Variants in OR10J1 observed in about 807,000 individuals in gnomAD.
The protein encoded by OR10J1 is olfactory receptor 10J1.
For synonymous variants in OR10J1, 202 were observed against 143.8 expected, an observed-to-expected ratio of 1.40 and a Z score of -2.89; for missense variants, 474 against 376.6, an observed-to-expected ratio of 1.26 and a Z score of -2.14.
At chr1:159,405,876 C>T in the OR10J1 span, 1 of 667,730 alleles carries the variant, frequency 1.5e-6, no homozygotes, top group Non-Finnish European at 2.7e-6. Flanking sequence ...CACAAAAGGG[C>T]AGGCCAAACA....
chr1:159,405,317 C>T, the OR10J1 span: 1 of 152,228 alleles, frequency 6.6e-6, no homozygotes, highest in African/African-American at 2.4e-5. Context: ...CCTGTGATGA[C>T]ATTCCAGGAG....
At chr1:159,402,414 C>T in the OR10J1 span, among the ~76,000 whole-genome samples, 1 of 152,008 alleles carries the variant, frequency 6.6e-6, no homozygotes, top group Admixed American at 6.6e-5. Context: ...AGTAAACTTG[C>T]AGGATAAAAA....
chr1:159,430,085 A>T, the OR10J1 span, among the ~76,000 whole-genome samples: 3 of 152,018 alleles, frequency 2.0e-5, no homozygotes, highest in Non-Finnish European at 4.4e-5. Flanking sequence ...CATGACCCTC[A>T]TCTCTCTCTT....
At chr1:159,411,999 G>A in the OR10J1 span, among the ~76,000 whole-genome samples, 1 of 151,966 alleles carries the variant, frequency 6.6e-6, no homozygotes, top group African/African-American at 2.4e-5. Context: ...ACTCAGGATA[G>A]AAAATCAATG....
rs1263872354 is a variant in OR10J1, at chr1:159,440,352, C to T, written c.561C>T (p.Ser187=). 1 of 1,614,182 alleles carries T rather than the reference C, an allele frequency of 6.2e-7. No homozygotes were observed. The highest frequency in any genetic ancestry group is 1.1e-5 in the South Asian group (1 of 91,082). Residue 187 remains serine (S), a synonymous_variant, in exon 1 of 1, where the codon TCC becomes TCT. Transcript: ENST00000423932. The part of the protein sequence containing the change: ...FCDIRPVMKL[S]CIDTTVNEIL... ...ACATCCGCCCTGTGATGAAGCTCTC[C>T]TGCATTGACACCACTGTCAATGAAA...
Position 159,440,556 on chromosome 1 carries a change from C to T in OR10J1, c.765C>T (p.Ser255=). 6.2e-7 allele frequency: 1 copy of T among 1,614,048 alleles called. No individual in the cohort carries two copies. Among genetic ancestry groups the T allele is most frequent in the Non-Finnish European group, 8.5e-7 (1 of 1,179,986 alleles). The change falls in exon 1 of 1, where the codon TCC becomes TCT. Residue 255 remains serine (S), a synonymous_variant. Transcript: ENST00000423932. ...TVVIVHYSCA[S]IAYLKPKSEN... ...TCATTGTCCACTACAGCTGTGCCTC[C>T]ATTGCCTACCTCAAGCCCAAGTCAG...
At chr1:159,414,181 G>C in the OR10J1 span, among the ~76,000 whole-genome samples, 1 of 152,164 alleles carries the variant, frequency 6.6e-6, no homozygotes, top group East Asian at 1.9e-4. Context: ...TGTGGACCAT[G>C]AGAATTTATA....
rs1370706929 is a variant in OR10J1 at position 159,440,001 on chromosome 1, GACTGTATAT to G, written c.213_221del (p.Val72_Thr74del). On this transcript the variant is annotated inframe_deletion, in exon 1 of 1. Coordinates refer to ENST00000423932, the MANE Select transcript of OR10J1 (RefSeq NM_012351.3). Reference sequence around the variant, plus strand: ...TCCTGAGCATGCTGTCCACTTCAGAGACTGTATATACATTGGTCATTCTCCCAAGAATGC... The same window carrying G: ...TCCTGAGCATGCTGTCCACTTCAGAGACATTGGTCATTCTCCCAAGAATGC... 6.2e-7 allele frequency: 1 copy of G among 1,614,092 alleles called. No homozygotes were observed. The highest frequency in any genetic ancestry group is 1.3e-5 in the African/African-American group (1 of 75,016).
chr1:159,407,922 G>A, the OR10J1 span, among the ~76,000 whole-genome samples: 1 of 151,996 alleles, frequency 6.6e-6, no homozygotes, highest in Non-Finnish European at 1.5e-5. Flanking sequence ...GAAAAGAAAG[G>A]TAAATGGGAG....
At chr1:159,421,065 T>C in the OR10J1 span, among the ~76,000 whole-genome samples, 5 of 152,162 alleles carry the variant, frequency 3.3e-5, no homozygotes, top group African/African-American at 1.2e-4. Context: ...TGGTTCCCCA[T>C]ATGTCAGATA....
At chr1:159,426,335 A>T in the OR10J1 span, among the ~76,000 whole-genome samples, 1 of 151,892 alleles carries the variant, frequency 6.6e-6, no homozygotes, top group Non-Finnish European at 1.5e-5. Context: ...AAAGTTGGAA[A>T]ATAAAGAGGC....
chr1:159,429,712 T>A, the OR10J1 span, among the ~76,000 whole-genome samples: 6 of 152,084 alleles, frequency 3.9e-5, no homozygotes, highest in Admixed American at 3.9e-4. Flanking sequence ...AGGAGAATGG[T>A]CCTCTTGGGC....
At chr1:159,428,544 T>C in the OR10J1 span, among the ~76,000 whole-genome samples, 1 of 152,134 alleles carries the variant, frequency 6.6e-6, no homozygotes, top group Non-Finnish European at 1.5e-5. Flanking sequence ...AGATTAATGA[T>C]TATTTCAAGG....
In OR10J1 at chr1:159,439,869, C is replaced by T; in HGVS notation, c.78C>T (p.Thr26=). ...GFSSFHEQQI[T]LFGVFLALYI... ...CTAGCTTCCATGAGCAGCAGATCACCCTTTTTGGCGTGTTCCTTGCACTAT... is the reference window on the plus strand; with the variant it reads ...CTAGCTTCCATGAGCAGCAGATCACTCTTTTTGGCGTGTTCCTTGCACTAT... The change falls in exon 1 of 1, where the codon ACC becomes ACT. Residue 26 remains threonine, a synonymous_variant. Transcript: ENST00000423932. 1.2e-6 allele frequency: 2 copies of T among 1,614,150 alleles called. No homozygotes were observed. The highest frequency in any genetic ancestry group is 2.2e-5 in the East Asian group (1 of 44,884).
At chr1:159,400,173 T>C in the OR10J1 span, among the ~76,000 whole-genome samples, 13 of 152,106 alleles carry the variant, frequency 8.5e-5, no homozygotes, top group East Asian at 2.3e-3. Flanking sequence ...TGTGCACATG[T>C]ACCCTAAAAC....
chr1:159,435,867 A>G (rs533316974), upstream of OR10J1, among the ~76,000 whole-genome samples: 58 of 152,190 alleles, frequency 3.8e-4, no homozygotes, highest in Non-Finnish European at 7.2e-4. Context: ...CTTTGTTTCT[A>G]TAGTCACTCC....
At chr1:159,402,044 A>T in the OR10J1 span, among the ~76,000 whole-genome samples, 1 of 152,076 alleles carries the variant, frequency 6.6e-6, no homozygotes, top group Non-Finnish European at 1.5e-5. Flanking sequence ...AAAATCCAAC[A>T]TCCCTTCATG....
the OR10J1 span, among the ~76,000 whole-genome samples, chr1:159,412,456 C>T: frequency 2.0e-5 from 3 of 149,626 alleles, no homozygotes; most frequent in Non-Finnish European, 4.4e-5. Context: ...GCTACAGTAA[C>T]CAAAACAGCA....
chr1:159,405,146 A>G, the OR10J1 span, among the ~76,000 whole-genome samples: 1 of 152,120 alleles, frequency 6.6e-6, no homozygotes, highest in African/African-American at 2.4e-5. Flanking sequence ...GACATGAGGA[A>G]AAAAGGTGGA....
Sources: allele counts gnomAD v4.1 joint callset (sites outside exome capture counted in the v4.1 genomes callset), GRCh38; gene constraint gnomAD v4.1.1; transcripts MANE v1.5; gene names NCBI Gene and HGNC (gene_info 2026-07-23, HGNC 2026-07-21).